The following GNAL variants were observed in gnomAD, a reference collection of about 807,000 sequenced individuals.
GNAL encodes G protein subunit alpha L, also known as guanine nucleotide-binding protein G(olf) subunit alpha.
A neutral mutation model predicts 55.1 loss-of-function variants in GNAL; 18 were observed. The observed-to-expected ratio is 0.33, with a 90% CI of 0.23 to 0.48. The LOEUF is 0.48. GNAL is among the 20% of genes least tolerant of loss of function. The pLI, the probability that GNAL is intolerant of heterozygous loss-of-function variation, is 0.99. For synonymous variants in GNAL, 253 were observed against 237.0 expected (o/e 1.07, Z -0.62); for missense variants, 412 against 614.1 (o/e 0.67, Z 3.48).
At chr18:11,802,894 C>T (rs146291679) in intron 4 of GNAL, among the ~76,000 whole-genome samples, 11 of 152,050 alleles carry the variant, frequency 7.2e-5, no homozygotes, top group Non-Finnish European at 1.3e-4. Context: ...GGCAGGCTCT[C>T]GAGTTCGAGA....
Position 11,706,318 on chromosome 18 carries a change from A to G in GNAL, c.376+16379A>G, listed in dbSNP as rs192452543. The stretch of plus-strand genomic sequence containing the variant: ...TATCTATTAAATGTGCAATCACATC[A>G]TGTCTTAAAAAAAAGCACACCTTAA... On this transcript the variant is annotated intron_variant, in intron 1 of 11. Transcript: ENST00000334049. Among the ~76,000 whole-genome samples the G allele has an allele frequency of 1.7e-3, 262 of 152,122 alleles. 1 individual carries two copies. Among genetic ancestry groups the G allele is most frequent in the African/African-American group, 6.1e-3 (255 of 41,476 alleles).
intron 4 of GNAL, among the ~76,000 whole-genome samples, chr18:11,785,259 G>A (rs1022596345): frequency 6.6e-6 from 1 of 152,124 alleles, no homozygotes; most frequent in Non-Finnish European, 1.5e-5. Context: ...TAAAGATGAG[G>A]TCATTGCTCC....
At chr18:11,878,635 T>G (rs1218188451) in intron 11 of GNAL, among the ~76,000 whole-genome samples, 1 of 151,922 alleles carries the variant, frequency 6.6e-6, no homozygotes, top group Non-Finnish European at 1.5e-5. Context: ...AGTGGCAAGA[T>G]CGTAGCTCAC....
At chr18:11,858,291 C>G (rs1297311343) in intron 5 of GNAL, among the ~76,000 whole-genome samples, 1 of 152,156 alleles carries the variant, frequency 6.6e-6, no homozygotes, top group African/African-American at 2.4e-5. Flanking sequence ...TTCTTTTTAA[C>G]TACTTCCTTA....
chr18:11,875,741 C>T (rs2036516739), intron 10 of GNAL, among the ~76,000 whole-genome samples: 1 of 152,210 alleles, frequency 6.6e-6, no homozygotes, highest in Non-Finnish European at 1.5e-5. Flanking sequence ...AACCTCTGTT[C>T]TTTATAAATT....
chr18:11,700,409 T>TTTGGC (rs1288713019), intron 1 of GNAL, among the ~76,000 whole-genome samples: 50 of 152,232 alleles, frequency 3.3e-4, no homozygotes, highest in Admixed American at 3.2e-3. Flanking sequence ...CTGCAGGCCG[T>TTTGGC]TTGGCTTGGC....
chr18:11,709,691 T>C lies in GNAL; in HGVS notation c.376+19752T>C, dbSNP rs1226437969. Among the ~76,000 whole-genome samples the C allele has an allele frequency of 2.0e-5, 3 of 152,212 alleles. No individual in the cohort carries two copies. The East Asian group carries it at 5.8e-4, about 29-fold the overall frequency. The stretch of plus-strand genomic sequence containing the variant: ...TGCTGAATTCATTTATTAGTTCTAA[T>C]AGTTTTTTGGTGAAATTTTTATATT... On this transcript the variant is annotated intron_variant, in intron 1 of 11. Coordinates refer to ENST00000334049, the MANE Select transcript of GNAL (RefSeq NM_182978.4).
chr18:11,783,108 T>G (rs746984650), intron 4 of GNAL, among the ~76,000 whole-genome samples: 2 of 152,258 alleles, frequency 1.3e-5, no homozygotes, highest in Non-Finnish European at 2.9e-5. Context: ...CTTTTGTTAA[T>G]TAGACTAATT....
At chr18:11,831,013 G>A (rs1437495583) in intron 5 of GNAL, among the ~76,000 whole-genome samples, 1 of 152,216 alleles carries the variant, frequency 6.6e-6, no homozygotes, top group Non-Finnish European at 1.5e-5. Context: ...GGATGATGGA[G>A]GGTTTCTCTT....
chr18:11,689,759 C>T lies in GNAL; in HGVS notation c.196C>T (p.Pro66Ser). 6.6e-7 allele frequency: 1 copy of T among 1,515,586 alleles called. No homozygotes were observed. Among genetic ancestry groups the T allele is most frequent in the Non-Finnish European group, 8.8e-7 (1 of 1,135,240 alleles). 93.9% of individuals were successfully genotyped at this position (1,515,586 alleles called of 1,614,324 possible). A position where few individuals can be genotyped will look rare whatever the true frequency, so the allele number is the denominator to read the frequency against. Residue 66 changes from proline (P) to serine (S), a missense_variant, in exon 1 of 12, where the codon CCC (proline) becomes TCC (serine). Pro to Ser is a moderately conservative substitution (Grantham distance 74). Around this residue, in one of 5 missense-constraint regions of GNAL, gnomAD observed 228 missense variants for 194.8 expected, o/e 1.17. Transcript: ENST00000334049. ...CGAAGGGAGCCCGGCATGCGCTCGG[C>T]CCAAAGCAGACAAGCCGAAGGAGAA... ...GGEGSPACAR[P>S]KADKPKEKRQ...
chr18:11,794,832 T>TTCTG (rs1555651271), intron 4 of GNAL, among the ~76,000 whole-genome samples: 2 of 151,602 alleles, frequency 1.3e-5, no homozygotes, highest in African/African-American at 4.8e-5. Context: ...GCACTTTGTT[T>TTCTG]TTTGTTTGTT....
intron 1 of GNAL, among the ~76,000 whole-genome samples, chr18:11,735,727 C>T (rs960432449): frequency 1.7e-4 from 25 of 149,494 alleles, no homozygotes; most frequent in African/African-American, 5.0e-4. Flanking sequence ...TGCATTCCAG[C>T]CTGAGCCACA....
intron 4 of GNAL, among the ~76,000 whole-genome samples, chr18:11,772,602 C>T (rs1399180050): frequency 2.6e-5 from 4 of 152,192 alleles, no homozygotes; most frequent in Non-Finnish European, 5.9e-5. Context: ...AAGACTTCCT[C>T]TACAGATGAG....
At chr18:11,863,827 T>C (rs140728189) in intron 6 of GNAL, among the ~76,000 whole-genome samples, 137 of 152,302 alleles carry the variant, frequency 9.0e-4, no homozygotes, top group Non-Finnish European at 1.5e-3. Flanking sequence ...TGAAGACTTG[T>C]GAGTGCAGAG....
At position 11,885,572 on chromosome 18, in the gene GNAL, T is replaced by C; in HGVS notation, c.*4437T>C. On this transcript the variant is annotated 3_prime_UTR_variant, in exon 12 of 12. Transcript: ENST00000334049. ...GTGTAGAAGGAGAGAAATTTGTGTG[T>C]GGCTTTTGTAAATTTTGACCGATTG... The C allele has an allele frequency of 7.2e-7, 1 of 1,393,684 alleles. No homozygotes were observed. Among genetic ancestry groups the C allele is most frequent in the African/African-American group, 1.4e-5 (1 of 69,720 alleles). 86.3% of individuals were successfully genotyped at this position (1,393,684 alleles called of 1,614,324 possible).
intron 5 of GNAL, among the ~76,000 whole-genome samples, chr18:11,829,546 T>G (rs1429162256): frequency 6.6e-6 from 1 of 152,196 alleles, no homozygotes; most frequent in Non-Finnish European, 1.5e-5. Context: ...AGAAAGGACA[T>G]TTCAAAATCA....
intron 5 of GNAL, among the ~76,000 whole-genome samples, chr18:11,845,154 A>G (rs932537118): frequency 3.9e-5 from 6 of 152,044 alleles, no homozygotes; most frequent in Admixed American, 2.6e-4. Context: ...GTGAGCCACC[A>G]CGCCCAGCCT....
At chr18:11,861,238 C>A (rs1485961621) in intron 5 of GNAL, among the ~76,000 whole-genome samples, 3 of 152,160 alleles carry the variant, frequency 2.0e-5, no homozygotes, top group Admixed American at 1.3e-4. Flanking sequence ...AGCCTGGGCC[C>A]CCCCGACCCC....
chr18:11,799,345 C>A (rs2034464787), intron 4 of GNAL, among the ~76,000 whole-genome samples: 1 of 152,124 alleles, frequency 6.6e-6, no homozygotes, highest in Non-Finnish European at 1.5e-5. Flanking sequence ...TTTTTGAACG[C>A]CTTCCATGAT....
Sources: allele counts gnomAD v4.1 joint callset (sites outside exome capture counted in the v4.1 genomes callset), GRCh38; gene constraint gnomAD v4.1.1; regional missense constraint gnomAD v4.1.1; transcripts MANE v1.5; gene names NCBI Gene and HGNC (gene_info 2026-07-23, HGNC 2026-07-21).